The following DNAH3 variants were observed in gnomAD, a reference collection of about 807,000 sequenced individuals.
DNAH3 encodes the protein axonemal beta dynein heavy chain 3.
A neutral mutation model predicts 432.5 loss-of-function variants in DNAH3; 332 were observed. That is an observed-to-expected ratio of 0.77 (90% CI 0.70 to 0.84). The LOEUF (loss-of-function observed/expected upper bound fraction) is 0.84, where lower values mean the gene tolerates loss of function less well. Ranked by LOEUF, DNAH3 falls within the 40% of genes least tolerant of loss-of-function variation. The pLI is 0.00. For missense variants in DNAH3, 4,861 were observed against 5,114.0 expected, an observed-to-expected ratio of 0.95 and a Z score of 1.51; for synonymous variants, 1,956 against 1,900.2, an observed-to-expected ratio of 1.03 and a Z score of -0.76.
chr16:21,081,843 A>ACTC, intron 19 of DNAH3, 116 bp from the exon 20 acceptor site: 1 of 713,478 alleles, frequency 1.4e-6, no homozygotes, highest in Non-Finnish European at 2.3e-6. Context: ...AACAGCCACG[A>ACTC]GTGGCAGGTG....
chr16:21,012,903 A>G (rs2087674138), intron 41 of DNAH3, among the ~76,000 whole-genome samples: 1 of 152,070 alleles, frequency 6.6e-6, no homozygotes, highest in Non-Finnish European at 1.5e-5. Context: ...GTGGGACTAC[A>G]GGTGAGCGCT....
At chr16:21,124,148 A>T (rs1205830039) in intron 9 of DNAH3, among the ~76,000 whole-genome samples, 1 of 152,152 alleles carries the variant, frequency 6.6e-6, no homozygotes, top group Non-Finnish European at 1.5e-5. Context: ...AGAATTTCTT[A>T]ATTAGGTCAA....
intron 40 of DNAH3, among the ~76,000 whole-genome samples, chr16:21,020,348 G>GTATATATATATATA (rs58198093): frequency 1.4e-5 from 1 of 69,178 alleles, no homozygotes; most frequent in African/African-American, 6.4e-5. Flanking sequence ...TATAGTGTGT[G>GTATATATATATATA]TATATATATA....
chr16:21,102,177 G>A (rs569232590), intron 16 of DNAH3, among the ~76,000 whole-genome samples: 361 of 152,226 alleles, frequency 2.4e-3, no homozygotes, highest in Non-Finnish European at 4.1e-3. Flanking sequence ...TTCTAGAGCC[G>A]CCCTCTGCTG....
intron 19 of DNAH3, among the ~76,000 whole-genome samples, chr16:21,085,896 T>G (rs1425176400): frequency 6.6e-6 from 1 of 152,100 alleles, no homozygotes; most frequent in East Asian, 1.9e-4. Context: ...GCCTCCCAAG[T>G]TACTGGACCA....
intron 44 of DNAH3, among the ~76,000 whole-genome samples, chr16:20,989,782 G>A (rs2086449182): frequency 6.6e-6 from 1 of 152,246 alleles, no homozygotes; most frequent in East Asian, 1.9e-4. Flanking sequence ...CCCAAGCCCT[G>A]CCCCGCGGCA....
At chr16:21,120,296 C>G (rs747416323) in intron 11 of DNAH3, among the ~76,000 whole-genome samples, 6 of 151,986 alleles carry the variant, frequency 3.9e-5, no homozygotes, top group Non-Finnish European at 8.8e-5. Flanking sequence ...TGAGGTCTTG[C>G]TATATTGCCC....
intron 53 of DNAH3, among the ~76,000 whole-genome samples, chr16:20,962,396 G>C (rs1002294525): frequency 6.6e-6 from 1 of 152,132 alleles, no homozygotes; most frequent in African/African-American, 2.4e-5. Context: ...GCATTGTGAG[G>C]CTTCTTTAAA....
intron 1 of DNAH3, chr16:21,158,705 CGCCTGCAAACGCGGTGGGG>C (rs1008580119): frequency 2.0e-5 from 3 of 152,868 alleles, no homozygotes; most frequent in African/African-American, 7.2e-5. Flanking sequence ...CTCTTCGCTT[CGCCTGCAAACGCGGTGGGG>C]GCTGCTCGGC....
chr16:21,070,744 G>C (rs1372073579), exon 22 of DNAH3: 1 of 1,612,784 alleles, frequency 6.2e-7, no homozygotes, highest in South Asian at 1.1e-5. Flanking sequence ...GATGAATGGG[G>C]AGCCACACAT....
chr16:21,039,214 C>CTTTTTTTTTTTTTTTTTTTTTTTTTTTT (rs200708542), intron 33 of DNAH3, among the ~76,000 whole-genome samples: 1 of 125,986 alleles, frequency 7.9e-6, no homozygotes. Flanking sequence ...TATAGTGTTG[C>CTTTTTTTTTTTTTTTTTTTTTTTTTTTT]TTTTTTTTTT....
At chr16:21,026,175 G>A (rs900189607) in intron 38 of DNAH3, among the ~76,000 whole-genome samples, 7 of 152,106 alleles carry the variant, frequency 4.6e-5, no homozygotes, top group African/African-American at 1.4e-4. Context: ...GAGAATGGCT[G>A]GCTCTTGGGC....
chr16:21,140,349 T>C, intron 5 of DNAH3, 187 bp downstream of exon 6: 1 of 554,824 alleles, frequency 1.8e-6, no homozygotes, highest in South Asian at 2.6e-5. Context: ...ACACACTCTC[T>C]CTCCTTCTCT....
chr16:21,079,281 G>A (rs2091090955), intron 20 of DNAH3, among the ~76,000 whole-genome samples: 1 of 152,156 alleles, frequency 6.6e-6, no homozygotes, highest in Non-Finnish European at 1.5e-5. Flanking sequence ...TGTAAAATGA[G>A]AATAATATTA....
At chr16:21,020,433 A>C (rs1597157353) in intron 40 of DNAH3, among the ~76,000 whole-genome samples, 1 of 94,332 alleles carries the variant, frequency 1.1e-5, no homozygotes, top group South Asian at 4.2e-4. Flanking sequence ...GATGGAGTCT[A>C]GCTCTGTCGC....
At chr16:21,119,483 A>T (rs1028808285) in intron 11 of DNAH3, among the ~76,000 whole-genome samples, 1 of 151,936 alleles carries the variant, frequency 6.6e-6, no homozygotes, top group African/African-American at 2.4e-5. Flanking sequence ...TACAAAAATA[A>T]GCCGGGCATG....
intron 8 of DNAH3, among the ~76,000 whole-genome samples, chr16:21,125,651 C>T (rs961522231): frequency 4.6e-5 from 7 of 152,200 alleles, no homozygotes; most frequent in African/African-American, 1.4e-4. Flanking sequence ...ACACTTTCTT[C>T]ATTATAATCA....
chr16:21,016,372 A>G (rs1426693472), intron 41 of DNAH3, among the ~76,000 whole-genome samples: 1 of 152,262 alleles, frequency 6.6e-6, no homozygotes, highest in African/African-American at 2.4e-5. Context: ...GAAAATGTCC[A>G]AAAGAATTGT....
chr16:21,015,676 T>G (rs2087822932), intron 41 of DNAH3, among the ~76,000 whole-genome samples: 1 of 152,228 alleles, frequency 6.6e-6, no homozygotes, highest in Admixed American at 6.5e-5. Flanking sequence ...ATGGAAACTC[T>G]CTGTATTTTC....
Sources: allele counts gnomAD v4.1 joint callset (sites outside exome capture counted in the v4.1 genomes callset), GRCh38; gene constraint gnomAD v4.1.1; transcripts MANE v1.5; gene names NCBI Gene and HGNC (gene_info 2026-07-23, HGNC 2026-07-21).